Variants in FAM20B observed in about 807,000 individuals in gnomAD.
FAM20B encodes glycosaminoglycan xylosylkinase.
A neutral mutation model predicts 43.8 loss-of-function variants in FAM20B; 23 were observed. The ratio of observed to expected loss-of-function variants is 0.53; its 90% confidence interval spans 0.38 to 0.74. The LOEUF (loss-of-function observed/expected upper bound fraction) is 0.74, where lower values mean the gene tolerates loss of function less well. FAM20B is among the 30% of genes least tolerant of loss of function. FAM20B has a pLI of 0.00. For missense variants in FAM20B, 440 were observed against 510.5 expected (o/e 0.86, Z 1.33); for synonymous variants, 178 against 192.4 (o/e 0.93, Z 0.62).
intron 6 of FAM20B, among the ~76,000 whole-genome samples, chr1:179,064,826 A>G (rs527828765): frequency 1.3e-5 from 2 of 152,332 alleles, no homozygotes; most frequent in Admixed American, 1.3e-4. Flanking sequence ...TGAGAAATAC[A>G]GATGTAATAG....
At chr1:179,031,919 T>G (rs780694826) in intron 1 of FAM20B, among the ~76,000 whole-genome samples, 3 of 152,212 alleles carry the variant, frequency 2.0e-5, no homozygotes, top group Admixed American at 1.3e-4. Context: ...TTCAGTTACA[T>G]TGAGTGTGGT....
intron 6 of FAM20B, 118 bp downstream of exon 6, chr1:179,064,614 T>C (rs1260820017): frequency 1.6e-5 from 12 of 771,378 alleles, no homozygotes; most frequent in Non-Finnish European, 2.5e-5. Context: ...TCCTTCTTTT[T>C]TCCACTTGGA....
chr1:179,052,879 G>A (rs1294311668), intron 3 of FAM20B, among the ~76,000 whole-genome samples: 2 of 152,150 alleles, frequency 1.3e-5, no homozygotes, highest in African/African-American at 4.8e-5. Context: ...AAACCAACAG[G>A]CATAAAGTTC....
intron 7 of FAM20B, among the ~76,000 whole-genome samples, chr1:179,069,453 CG>C (rs1351386070): frequency 5.9e-5 from 9 of 152,128 alleles, no homozygotes; most frequent in Admixed American, 5.9e-4. Flanking sequence ...TCACTGCAAC[CG>C]CTGTCTCCCG....
chr1:179,044,397 A>G (rs182361037), intron 2 of FAM20B, among the ~76,000 whole-genome samples, 173 bp downstream of exon 2: 85 of 152,324 alleles, frequency 5.6e-4, no homozygotes, highest in Non-Finnish European at 7.9e-4. Context: ...CCTTTATAGT[A>G]TCATATAGAA....
intron 4 of FAM20B, among the ~76,000 whole-genome samples, chr1:179,058,503 C>T (rs762922144): frequency 1.2e-4 from 19 of 152,206 alleles, no homozygotes; most frequent in Non-Finnish European, 2.4e-4. Context: ...GCTCAGGAGA[C>T]TGTGCTGTTT....
intron 2 of FAM20B, among the ~76,000 whole-genome samples, chr1:179,048,192 A>G (rs1441566798): frequency 2.0e-5 from 3 of 152,202 alleles, no homozygotes; most frequent in Non-Finnish European, 4.4e-5. Context: ...GGGGCCTAGA[A>G]GCGCGTAGAA....
intron 1 of FAM20B, among the ~76,000 whole-genome samples, chr1:179,034,122 T>A (rs1021823717): frequency 2.0e-5 from 3 of 152,218 alleles, no homozygotes; most frequent in Non-Finnish European, 2.9e-5. Flanking sequence ...GAAAGTGTCA[T>A]CTTCATGTCT....
chr1:179,036,393 A>G (rs1322733403), intron 1 of FAM20B, among the ~76,000 whole-genome samples: 4 of 152,206 alleles, frequency 2.6e-5, no homozygotes, highest in Non-Finnish European at 5.9e-5. Context: ...TCTGTTCTGC[A>G]TAACAGAAAC....
chr1:179,069,586 G>T (rs1295924625), intron 7 of FAM20B, among the ~76,000 whole-genome samples: 1 of 152,074 alleles, frequency 6.6e-6, no homozygotes, highest in Non-Finnish European at 1.5e-5. Context: ...TGGTGGGGCT[G>T]GTCTCGAACT....
At chr1:179,053,354 T>C (rs1651086768) in intron 3 of FAM20B, among the ~76,000 whole-genome samples, 1 of 152,148 alleles carries the variant, frequency 6.6e-6, no homozygotes, top group African/African-American at 2.4e-5. Context: ...GAGGATCACT[T>C]GAGCCCAGGA....
intron 7 of FAM20B, among the ~76,000 whole-genome samples, chr1:179,068,236 A>G (rs751978402): frequency 4.6e-4 from 70 of 152,152 alleles, no homozygotes; most frequent in Non-Finnish European, 9.1e-4. Context: ...CTTTTTTTAA[A>G]TGACAACAAA....
intron 4 of FAM20B, among the ~76,000 whole-genome samples, chr1:179,060,823 G>C (rs974171144): frequency 6.6e-6 from 1 of 152,102 alleles, no homozygotes; most frequent in Admixed American, 6.5e-5. Context: ...TGTTTAACCA[G>C]TTTATATTCC....
chr1:179,057,803 A>G (rs1170123725), intron 4 of FAM20B, among the ~76,000 whole-genome samples: 1 of 139,508 alleles, frequency 7.2e-6, no homozygotes, highest in Non-Finnish European at 1.6e-5. Flanking sequence ...GGAGCCAGAC[A>G]TGTACAAAGG....
chr1:179,043,211 A>AG (rs1650620395), intron 1 of FAM20B, among the ~76,000 whole-genome samples: 1 of 152,208 alleles, frequency 6.6e-6, no homozygotes, highest in Non-Finnish European at 1.5e-5. Flanking sequence ...CTGAGACAGC[A>AG]GGGGCCTGGT....
intron 2 of FAM20B, among the ~76,000 whole-genome samples, chr1:179,048,756 T>C (rs930608850): frequency 6.6e-6 from 1 of 152,244 alleles, no homozygotes; most frequent in Non-Finnish European, 1.5e-5. Flanking sequence ...ATATTGACCA[T>C]GCTAAGAAGA....
Position 179,050,627 on chromosome 1 carries a change from T to C in FAM20B, c.464+262T>C, listed in dbSNP as rs927203223. 4.6e-5 allele frequency among the ~76,000 whole-genome samples: 7 copies of C among 152,366 alleles called. No individual in the cohort carries two copies. The South Asian group carries it at 1.4e-3, about 32-fold the overall frequency. ...TCTGTTATTATCATCAGTGAAGATATTCTTGGTAAATAAACTTTGAACTTA... is the reference window on the plus strand; with the variant it reads ...TCTGTTATTATCATCAGTGAAGATACTCTTGGTAAATAAACTTTGAACTTA... On this transcript the variant is annotated intron_variant, in intron 3 of 7. Coordinates refer to ENST00000263733, the MANE Select transcript of FAM20B (RefSeq NM_014864.4).
intron 5 of FAM20B, 74 bp downstream of exon 5, chr1:179,064,172 C>G: frequency 6.9e-7 from 1 of 1,440,586 alleles, no homozygotes; most frequent in Non-Finnish European, 9.5e-7. Flanking sequence ...AAGGAGCCAG[C>G]AGTTCTGTCC....
intron 4 of FAM20B, among the ~76,000 whole-genome samples, chr1:179,061,791 T>C (rs996901827): frequency 7.2e-5 from 11 of 152,304 alleles, no homozygotes; most frequent in African/African-American, 2.6e-4. Context: ...CTCCCCTGCC[T>C]CCACACATTC....
Sources: gnomAD v4.1 joint callset for allele counts (sites outside exome capture counted in the v4.1 genomes callset) on GRCh38, gnomAD v4.1.1 for gene constraint, MANE v1.5 for transcripts, NCBI Gene and HGNC (gene_info 2026-07-23, HGNC 2026-07-21) for gene names.